Variants in RAB17 observed in about 807,000 individuals in gnomAD.
The protein encoded by RAB17 is ras-related protein Rab-17.
RAB17 carries 15 observed loss-of-function variants against 19.3 expected under a neutral mutation model. That is an observed-to-expected ratio of 0.78 (90% CI 0.52 to 1.20). The LOEUF (loss-of-function observed/expected upper bound fraction) is 1.20. RAB17 is among the 50% of genes most tolerant of loss of function. RAB17 has a pLI of 0.00. For missense variants in RAB17, 262 were observed against 269.3 expected (o/e 0.97, Z 0.19); for synonymous variants, 110 against 112.8 (o/e 0.97, Z 0.16).
rs142213940 is a variant in RAB17 at position 237,576,876 on chromosome 2, G to A, written c.435+381C>T. Among the ~76,000 whole-genome samples the A allele has an allele frequency of 7.0e-3, 1,071 of 152,226 alleles. 11 individuals carry two copies. The highest frequency in any genetic ancestry group is 0.024 in the African/African-American group (997 of 41,524). On this transcript the variant is annotated intron_variant, in intron 4 of 5. Transcript: ENST00000264601. ...GCTGAGGAACTAGATCACTTTTCTC[G>A]TTCAAGCCGAGCCCACCCTGCAGCT...
At chr2:237,587,109 T>C (rs1289218376) in intron 1 of RAB17, among the ~76,000 whole-genome samples, 1 of 152,250 alleles carries the variant, frequency 6.6e-6, no homozygotes, top group Non-Finnish European at 1.5e-5. Flanking sequence ...AGATACAGGC[T>C]ATTTTTTGGC....
intron 4 of RAB17, 47 bp from the exon 5 acceptor site, chr2:237,575,527 C>T (rs1275976051): frequency 7.3e-7 from 1 of 1,363,880 alleles, no homozygotes; most frequent in South Asian, 1.2e-5. Flanking sequence ...AAGAGAGTTT[C>T]CTAAGGACAC....
At chr2:237,587,825 T>C (rs1233117018) in intron 1 of RAB17, among the ~76,000 whole-genome samples, 3 of 143,202 alleles carry the variant, frequency 2.1e-5, no homozygotes, top group Non-Finnish European at 3.0e-5. Flanking sequence ...TTTCCATCTG[T>C]GTTTCTTAAA....
rs1327548981 is a variant in RAB17 at position 237,574,493 on chromosome 2, C to A, written c.*526G>T. The stretch of plus-strand genomic sequence containing the variant: ...AACTGGCGCCACTGCCCCCAGCTGC[C>A]CTTCCCAGGGGCAACTTCACCAAGA... On this transcript the variant is annotated 3_prime_UTR_variant, in exon 6 of 6. Transcript: ENST00000264601. 5 of 1,550,602 alleles carry A rather than the reference C, an allele frequency of 3.2e-6. No individual in the cohort carries two copies. The highest frequency in any genetic ancestry group is 4.4e-6 in the Non-Finnish European group (5 of 1,146,938).
intron 4 of RAB17, chr2:237,576,458 C>A (rs1174996340): frequency 2.4e-6 from 1 of 409,390 alleles, no homozygotes; most frequent in East Asian, 7.2e-5. Context: ...GCAACGAGGG[C>A]TCAGACTGAC....
Position 237,574,403 on chromosome 2 carries a change from A to G in RAB17, c.*616T>C, listed in dbSNP as rs2081244180. ...TATATCTCAGGCGAAATGTCTCAGA[A>G]TCTTCCTGCTCATTGGACAGAAACT... On this transcript the variant is annotated 3_prime_UTR_variant, in exon 6 of 6. Coordinates refer to ENST00000264601, the MANE Select transcript of RAB17 (RefSeq NM_022449.4). 3 of 1,538,246 alleles carry G rather than the reference A, an allele frequency of 2.0e-6. No homozygotes were observed. The highest frequency in any genetic ancestry group is 2.6e-6 in the Non-Finnish European group (3 of 1,139,750).
chr2:237,579,641 C>G (rs1233919651), intron 2 of RAB17: 1 of 152,166 alleles, frequency 6.6e-6, no homozygotes, highest in African/African-American at 2.4e-5. Flanking sequence ...CAAAGACCCT[C>G]TCTCCAAATA....
At chr2:237,589,410 CT>C (rs1275877333) in intron 1 of RAB17, among the ~76,000 whole-genome samples, 1 of 152,128 alleles carries the variant, frequency 6.6e-6, no homozygotes, top group African/African-American at 2.4e-5. Context: ...GTAAGAAATA[CT>C]TAATACCAAA....
In RAB17 at chr2:237,577,359, C is replaced by T; in HGVS notation, c.333G>A (p.Gln111=). The change falls in exon 4 of 6, where the codon CAG becomes CAA. Residue 111 remains glutamine (Q), a synonymous_variant. Coordinates refer to ENST00000264601, the MANE Select transcript of RAB17 (RefSeq NM_022449.4). Reference sequence around the variant, plus strand: ...GCTCCTCCTCCAGGTCCTTCAGCCACTGCTGAGCCTTGAGGAAGGAATCCT... The same window carrying T: ...GCTCCTCCTCCAGGTCCTTCAGCCATTGCTGAGCCTTGAGGAAGGAATCCT... ...TRKDSFLKAQ[Q]WLKDLEEELH... is the part of the protein sequence containing the mutation. 1 of 1,609,568 alleles carries T rather than the reference C, an allele frequency of 6.2e-7. No homozygotes were observed. The highest frequency in any genetic ancestry group is 8.5e-7 in the Non-Finnish European group (1 of 1,177,530).
chr2:237,577,689 A>T (rs2081276426), intron 3 of RAB17: 3 of 465,044 alleles, frequency 6.5e-6, no homozygotes, highest in Admixed American at 3.7e-5. Flanking sequence ...TCCCACGCCT[A>T]GCTGTCCTCA....
intron 2 of RAB17, among the ~76,000 whole-genome samples, chr2:237,581,658 G>T (rs534180563): frequency 6.6e-6 from 1 of 152,286 alleles, no homozygotes; most frequent in South Asian, 2.1e-4. Context: ...GTAGCACTTG[G>T]CTGTTTTGTA....
intron 4 of RAB17, chr2:237,575,900 A>C (rs761207997): frequency 1.2e-4 from 21 of 176,622 alleles, no homozygotes; most frequent in Non-Finnish European, 2.4e-4. Flanking sequence ...TTTCCAACAC[A>C]GCTCTCCTCT....
intron 3 of RAB17, 155 bp from the exon 4 acceptor site, chr2:237,577,537 G>A: frequency 1.2e-6 from 1 of 824,978 alleles, no homozygotes; most frequent in Non-Finnish European, 1.8e-6. Context: ...CCGTTCCTCT[G>A]AGGAGGGCAC....
chr2:237,579,440 G>A (rs1363234447), intron 2 of RAB17: 2 of 152,088 alleles, frequency 1.3e-5, no homozygotes, highest in Non-Finnish European at 2.9e-5. Context: ...TCCATTCCAG[G>A]CCTCCTCCAG....
At chr2:237,577,155 G>A in intron 4 of RAB17, 102 bp downstream of exon 4, 1 of 1,399,110 alleles carries the variant, frequency 7.1e-7, no homozygotes. Context: ...GTGTGCGTGT[G>A]TGGGTGTGCG....
At chr2:237,585,892 C>T (rs1173190331) in intron 2 of RAB17, 106 bp downstream of exon 2, 1 of 1,258,518 alleles carries the variant, frequency 7.9e-7, no homozygotes, top group Non-Finnish European at 1.1e-6. Context: ...AAGGTCCCAG[C>T]ATGGGGATTC....
Position 237,586,004 on chromosome 2 carries a change from C to G in RAB17, c.151G>C (p.Val51Leu). Reference sequence around the variant, plus strand: ...GTGCTCTGCCCTCACTTACAGCCCACCGTAGGCAGGATACTCTTGAAGTCG... The same window carrying G: ...GTGCTCTGCCCTCACTTACAGCCCAGCGTAGGCAGGATACTCTTGAAGTCG... The part of the protein sequence containing the change: ...KNDFKSILPT[V>L]GCAFFTKVVD... The change falls in exon 2 of 6, where the codon GTG (valine) becomes CTG (leucine). Residue 51 changes from valine to leucine, a missense_variant. By Grantham distance (32) the Val-to-Leu change is conservative. Coordinates refer to ENST00000264601, the MANE Select transcript of RAB17 (RefSeq NM_022449.4). 2.5e-6 allele frequency: 4 copies of G among 1,606,592 alleles called. No homozygotes were observed. Among genetic ancestry groups the G allele is most frequent in the Non-Finnish European group, 3.4e-6 (4 of 1,176,484 alleles).
intron 1 of RAB17, 137 bp from the exon 2 acceptor site, chr2:237,586,294 C>A: frequency 1.3e-6 from 1 of 793,612 alleles, no homozygotes; most frequent in East Asian, 3.0e-5. Context: ...CCACCTAGGT[C>A]CACACTCCTG....
intron 5 of RAB17, 92 bp downstream of exon 5, chr2:237,575,295 A>C: frequency 6.1e-6 from 7 of 1,138,352 alleles, no homozygotes; most frequent in Non-Finnish European, 9.0e-6. Flanking sequence ...AAGACATTCT[A>C]TGGGATACCA....
Sources: allele counts gnomAD v4.1 joint callset (sites outside exome capture counted in the v4.1 genomes callset), GRCh38; gene constraint gnomAD v4.1.1; transcripts MANE v1.5; gene names NCBI Gene and HGNC (gene_info 2026-07-23, HGNC 2026-07-21).